PCDHGB5: variants seen among roughly 807,000 people sequenced by gnomAD.
The protein encoded by PCDHGB5 is protocadherin gamma subfamily B, 5.
In PCDHGB5, 48 loss-of-function variants were observed where a neutral mutation model predicts 62.9. That is an observed-to-expected ratio of 0.76 (90% CI 0.61 to 0.97). PCDHGB5 has a LOEUF of 0.97. Among genes scored for constraint, PCDHGB5 ranks in the 50% least tolerant of loss-of-function variants. The pLI is 0.00. For missense variants in PCDHGB5, 1,118 were observed against 1,198.6 expected (o/e 0.93, Z 0.99); for synonymous variants, 474 against 511.2 (o/e 0.93, Z 0.98).
At chr5:141,450,835 T>TATTA (rs1438371595) in intron 1 of PCDHGB5, among the ~76,000 whole-genome samples, 1 of 142,096 alleles carries the variant, frequency 7.0e-6, no homozygotes, top group Admixed American at 6.9e-5. Context: ...TATTATTTTT[T>TATTA]TTTTTTTGAG....
intron 1 of PCDHGB5, among the ~76,000 whole-genome samples, chr5:141,482,314 A>G (rs1279804501): frequency 6.6e-6 from 1 of 152,180 alleles, no homozygotes; most frequent in Admixed American, 6.5e-5. Flanking sequence ...TTCCTCATCT[A>G]TAAAATAAAG....
intron 1 of PCDHGB5, chr5:141,403,981 T>C (rs374013287): frequency 1.4e-5 from 23 of 1,613,600 alleles, no homozygotes; most frequent in Admixed American, 1.2e-4. Flanking sequence ...TAAATGACAA[T>C]AGACCTGAAG....
In PCDHGB5 at chr5:141,477,868, C is replaced by T. The variant is rs1450078298; in HGVS notation, c.2398-16939C>T. 2 of 1,613,750 alleles carry T rather than the reference C, an allele frequency of 1.2e-6. No individual in the cohort carries two copies. Among genetic ancestry groups the T allele is most frequent in the Admixed American group, 3.3e-5 (2 of 59,988 alleles). On this transcript the variant is annotated intron_variant, in intron 1 of 3. Coordinates refer to ENST00000617380, the MANE Select transcript of PCDHGB5 (RefSeq NM_018925.3). This position sits in a 1 kb window ranked among gnomAD's most constrained non-coding sequence, Gnocchi z 4.9. ...CGGTGGAGATGCTGCCTCGAGGTAC[C>T]TCAGCTGGCCACCTAGTGTCACGGG...
chr5:141,463,097 C>A (rs1333118215), intron 1 of PCDHGB5, among the ~76,000 whole-genome samples: 2 of 152,152 alleles, frequency 1.3e-5, no homozygotes, highest in East Asian at 3.8e-4. Context: ...CCCTATGTGA[C>A]CATCAAGAAT....
rs2099426122 is a variant in PCDHGB5 at position 141,477,960 on chromosome 5, A to C, written c.2398-16847A>C. On this transcript the variant is annotated intron_variant, in intron 1 of 3. Coordinates refer to ENST00000617380, the MANE Select transcript of PCDHGB5 (RefSeq NM_018925.3). This position sits in a 1 kb window ranked among gnomAD's most constrained non-coding sequence, Gnocchi z 4.9. ...TCCTACAGTCTCTTGGGATCCCCTAACCAGAGCCTTTTTGCCATAGGGCTG... is the reference window on the plus strand; with the variant it reads ...TCCTACAGTCTCTTGGGATCCCCTACCCAGAGCCTTTTTGCCATAGGGCTG... 1 of 1,613,952 alleles carries C rather than the reference A, an allele frequency of 6.2e-7. No individual in the cohort carries two copies. Among genetic ancestry groups the C allele is most frequent in the African/African-American group, 1.3e-5 (1 of 74,922 alleles).
In PCDHGB5 at chr5:141,476,966, G is replaced by C. The variant is rs780645226; in HGVS notation, c.2398-17841G>C. The C allele has an allele frequency of 1.2e-6, 2 of 1,614,152 alleles. No homozygotes were observed. Among genetic ancestry groups the C allele is most frequent in the Non-Finnish European group, 1.7e-6 (2 of 1,180,032 alleles). On this transcript the variant is annotated intron_variant, in intron 1 of 3. Coordinates refer to ENST00000617380, the MANE Select transcript of PCDHGB5 (RefSeq NM_018925.3). This position sits in a 1 kb window ranked among gnomAD's most constrained non-coding sequence, Gnocchi z 7.6. ...CAACGGTGAAATTATTTACTCCTTCGGCAGCCACAACCGCGCCGGCGTGCG... is the reference window on the plus strand; with the variant it reads ...CAACGGTGAAATTATTTACTCCTTCCGCAGCCACAACCGCGCCGGCGTGCG...
chr5:141,400,114 A>G lies in PCDHGB5; in HGVS notation c.1987A>G (p.Ser663Gly). The change falls in exon 1 of 4, where the codon AGC (serine) becomes GGC (glycine). Residue 663 changes from serine (S) to glycine (G), a missense_variant. Ser to Gly is a moderately conservative substitution (Grantham distance 56, BLOSUM62 0). This residue lies in a region of PCDHGB5 where 1,034 missense variants were observed against 1,029.1 expected (regional missense o/e 1.00). Coordinates refer to ENST00000617380, the MANE Select transcript of PCDHGB5 (RefSeq NM_018925.3). The stretch of plus-strand genomic sequence containing the variant: ...CACGCTGCACTTGGTCTTTGCTGAC[A>G]GCTTGCAGGAGGTGCTGCCGGATAT... ...TATLHLVFAD[S>G]LQEVLPDITD... 1 of 1,614,074 alleles carries G rather than the reference A, an allele frequency of 6.2e-7. No homozygotes were observed. Among genetic ancestry groups the G allele is most frequent in the Admixed American group, 1.7e-5 (1 of 60,034 alleles).
At chr5:141,455,984 G>A (rs1405675950) in intron 1 of PCDHGB5, among the ~76,000 whole-genome samples, 2 of 151,492 alleles carry the variant, frequency 1.3e-5, no homozygotes, top group East Asian at 1.9e-4. Context: ...TGCAAGCTCC[G>A]CCTCTCGGGT....
rs539892249 is a variant in PCDHGB5 at position 141,500,355 on chromosome 5, C to T, written c.2457-5038C>T. ...TCCAGAATAGCTGGGACTACAGGCG[C>T]CCACTACCACGCCCGGCTAATTATT... On this transcript the variant is annotated intron_variant, in intron 2 of 3. Coordinates refer to ENST00000617380, the MANE Select transcript of PCDHGB5 (RefSeq NM_018925.3). Among the ~76,000 whole-genome samples, 274 of 152,030 alleles carry T rather than the reference C, an allele frequency of 1.8e-3. 2 individuals are homozygous for T. The highest frequency in any genetic ancestry group is 6.3e-3 in the African/African-American group (263 of 41,478).
At chr5:141,445,427 C>G (rs964779092) in intron 1 of PCDHGB5, among the ~76,000 whole-genome samples, 4 of 152,152 alleles carry the variant, frequency 2.6e-5, no homozygotes, top group African/African-American at 9.7e-5. Flanking sequence ...ATATGCAAGG[C>G]ACTGACCTAT....
intron 1 of PCDHGB5, chr5:141,413,293 C>G: frequency 6.2e-7 from 1 of 1,613,946 alleles, no homozygotes; most frequent in South Asian, 1.1e-5. Context: ...CTACTCAATT[C>G]CTGAGGAATT....
chr5:141,483,255 GTTTT>G (rs147039946), intron 1 of PCDHGB5, among the ~76,000 whole-genome samples: 7,425 of 152,114 alleles, frequency 0.049, 355 homozygotes, highest in African/African-American at 0.13. Context: ...ATATCATGAG[GTTTT>G]TTTGTTTTAG....
chr5:141,467,296 A>G lies in PCDHGB5; in HGVS notation c.2398-27511A>G, dbSNP rs1032802325. Among the ~76,000 whole-genome samples the G allele has an allele frequency of 6.6e-5, 10 of 151,858 alleles. No individual in the cohort carries two copies. The East Asian group carries it at 9.7e-4, about 15-fold the overall frequency. On this transcript the variant is annotated intron_variant, in intron 1 of 3. Transcript: ENST00000617380. The stretch of plus-strand genomic sequence containing the variant: ...TCGAACTCTTGACCTCAAGTGATCC[A>G]CTCACCTCGGCCTCCCACAGTGCTG...
intron 1 of PCDHGB5, among the ~76,000 whole-genome samples, chr5:141,472,742 T>C (rs926507203): frequency 2.0e-5 from 3 of 151,762 alleles, no homozygotes; most frequent in Non-Finnish European, 4.4e-5. Flanking sequence ...TCCCAGCACT[T>C]TGGGAGGCGG....
At position 141,424,135 on chromosome 5, in the gene PCDHGB5, G is replaced by A. The variant is rs572224199; in HGVS notation, c.2397+23611G>A. 1.1e-4 allele frequency: 47 copies of A among 431,606 alleles called. No individual in the cohort carries two copies. The South Asian group carries it at 4.6e-3, about 43-fold the overall frequency. The allele number at this position is 431,606 out of a possible 1,614,324, so 26.7% of individuals were successfully genotyped here. On this transcript the variant is annotated intron_variant, in intron 1 of 3. Coordinates refer to ENST00000617380, the MANE Select transcript of PCDHGB5 (RefSeq NM_018925.3). The stretch of plus-strand genomic sequence containing the variant: ...AAATTTTGATCCTGTTGATTTAATA[G>A]CATGCTCCCTCTAGCTCTCCTTCTC...
chr5:141,421,812 A>T, intron 1 of PCDHGB5: 1 of 1,613,822 alleles, frequency 6.2e-7, no homozygotes, highest in Non-Finnish European at 8.5e-7. Context: ...ATCCAGAGCT[A>T]GTACTGGAGG....
At chr5:141,414,692 C>T (rs2095777962) in intron 1 of PCDHGB5, 1 of 1,613,918 alleles carries the variant, frequency 6.2e-7, no homozygotes, top group African/African-American at 1.3e-5. Flanking sequence ...GTACCTCTGT[C>T]CTCATACATA....
At chr5:141,446,132 TA>T (rs1252851903) in intron 1 of PCDHGB5, among the ~76,000 whole-genome samples, 1 of 152,204 alleles carries the variant, frequency 6.6e-6, no homozygotes, top group African/African-American at 2.4e-5. Context: ...CAATAAGACT[TA>T]ATAATGGAAT....
intron 1 of PCDHGB5, 24 bp downstream of exon 1, chr5:141,400,548 T>C: frequency 6.2e-7 from 1 of 1,613,656 alleles, no homozygotes; most frequent in South Asian, 1.1e-5. Context: ...ATGTCTATTC[T>C]TTTTCATTAC....
Sources: allele counts gnomAD v4.1 joint callset (sites outside exome capture counted in the v4.1 genomes callset), GRCh38; gene constraint gnomAD v4.1.1; regional missense constraint gnomAD v4.1.1; non-coding constraint Gnocchi (gnomAD v3.1); transcripts MANE v1.5; gene names NCBI Gene and HGNC (gene_info 2026-07-23, HGNC 2026-07-21).